PDE9A: variants seen among roughly 807,000 people sequenced by gnomAD.
The protein encoded by PDE9A is high affinity cGMP-specific 3',5'-cyclic phosphodiesterase 9A.
PDE9A carries 60 observed loss-of-function variants against 87.4 expected under a neutral mutation model. The observed-to-expected ratio is 0.69, with a 90% CI of 0.56 to 0.85. The LOEUF (loss-of-function observed/expected upper bound fraction) is 0.85. Among genes scored for constraint, PDE9A ranks in the 40% least tolerant of loss-of-function variants. The pLI, the probability that PDE9A is intolerant of heterozygous loss-of-function variation, is 0.00. For missense variants in PDE9A, 665 were observed against 779.0 expected, an observed-to-expected ratio of 0.85 and a Z score of 1.74; for synonymous variants, 272 against 279.4, an observed-to-expected ratio of 0.97 and a Z score of 0.27.
intron 1 of PDE9A, among the ~76,000 whole-genome samples, chr21:42,673,353 C>T (rs73905732): frequency 0.012 from 1,857 of 152,250 alleles, 36 homozygotes; most frequent in African/African-American, 0.043. Flanking sequence ...CCAGCCAAGC[C>T]CAGGCCTGCC....
intron 8 of PDE9A, among the ~76,000 whole-genome samples, chr21:42,744,168 C>T (rs2053602252): frequency 1.3e-5 from 2 of 152,210 alleles, no homozygotes; most frequent in African/African-American, 4.8e-5. Context: ...GCTTGGCCAA[C>T]ATGGTGAAAC....
intron 1 of PDE9A, among the ~76,000 whole-genome samples, chr21:42,662,769 GACACACACCACACACACACACCAAGCAC>G (rs1320793966): frequency 2.3e-4 from 19 of 82,430 alleles, no homozygotes; most frequent in African/African-American, 7.4e-4. Flanking sequence ...CACACACAAG[GACACACACCACACACACACACCAAGCAC>G]ACACACACCA....
At chr21:42,669,075 A>G (rs1268552561) in intron 1 of PDE9A, among the ~76,000 whole-genome samples, 1 of 152,116 alleles carries the variant, frequency 6.6e-6, no homozygotes, top group Non-Finnish European at 1.5e-5. Flanking sequence ...TGCTTGCGAA[A>G]AAGATTCCAC....
chr21:42,709,141 T>C (rs1008051775), intron 4 of PDE9A, among the ~76,000 whole-genome samples: 23 of 152,228 alleles, frequency 1.5e-4, no homozygotes, highest in Non-Finnish European at 2.6e-4. Flanking sequence ...AACAAGATCA[T>C]GTCCTTTGCA....
chr21:42,757,384 C>CA (rs1369419564), intron 10 of PDE9A: 4 of 152,264 alleles, frequency 2.6e-5, no homozygotes, highest in African/African-American at 9.6e-5. Flanking sequence ...CTCATCAATG[C>CA]AGTGATCGCA....
At chr21:42,667,958 G>A (rs8129376) in intron 1 of PDE9A, among the ~76,000 whole-genome samples, 3,034 of 146,084 alleles carry the variant, frequency 0.021, 94 homozygotes, top group African/African-American at 0.076. Flanking sequence ...GATGGAATGG[G>A]CGATGCCGGC....
In PDE9A at chr21:42,765,745, G is replaced by T. The variant is rs191080910; in HGVS notation, c.1356+251G>T. ...CTCCATCTCTTTTGGATTTGAAGGAGATAAGTGGGTGAAGGCCGTGCATCT... is the reference window on the plus strand; with the variant it reads ...CTCCATCTCTTTTGGATTTGAAGGATATAAGTGGGTGAAGGCCGTGCATCT... On this transcript the variant is annotated intron_variant, in intron 15 of 19. Transcript: ENST00000291539. The T allele has an allele frequency of 7.4e-5, 35 of 474,914 alleles. No homozygotes were observed. The East Asian group carries it at 1.1e-3, about 15-fold the overall frequency. The allele number at this position is 474,914 out of a possible 1,614,324, so 29.4% of individuals were successfully genotyped here.
Position 42,722,204 on chromosome 21 carries a change from C to T in PDE9A, c.263-9566C>T, listed in dbSNP as rs1231942681. ...TGTTGGCCAGGATGGTCTTGAACTTCTGACCTCATGATCCGCCCACCTCAG... is the reference window on the plus strand; with the variant it reads ...TGTTGGCCAGGATGGTCTTGAACTTTTGACCTCATGATCCGCCCACCTCAG... On this transcript the variant is annotated intron_variant, in intron 4 of 19. Coordinates refer to ENST00000291539, the MANE Select transcript of PDE9A (RefSeq NM_002606.3). This position sits in a 1 kb window ranked among gnomAD's most constrained non-coding sequence, Gnocchi z 4.1. Among the ~76,000 whole-genome samples the T allele has an allele frequency of 6.6e-6, 1 of 152,122 alleles. No homozygotes were observed. The highest frequency in any genetic ancestry group is 1.5e-5 in the Non-Finnish European group (1 of 68,014).
chr21:42,763,907 T>C (rs2056085616), intron 14 of PDE9A, among the ~76,000 whole-genome samples: 1 of 152,132 alleles, frequency 6.6e-6, no homozygotes, highest in Non-Finnish European at 1.5e-5. Flanking sequence ...AGTGAAGCAT[T>C]TGGGGAAGCT....
At chr21:42,725,981 G>A (rs1299786626) in intron 4 of PDE9A, among the ~76,000 whole-genome samples, 3 of 152,162 alleles carry the variant, frequency 2.0e-5, no homozygotes, top group East Asian at 3.9e-4. Flanking sequence ...TTTCCACGGG[G>A]GTTGGCATTA....
intron 7 of PDE9A, among the ~76,000 whole-genome samples, chr21:42,740,024 C>A (rs2052944540): frequency 6.6e-6 from 1 of 152,046 alleles, no homozygotes; most frequent in African/African-American, 2.4e-5. Context: ...CAAATTTTAT[C>A]TTTTAAAATT....
At chr21:42,772,636 AC>A in intron 19 of PDE9A, 116 bp downstream of exon 19, 2 of 738,114 alleles carry the variant, frequency 2.7e-6, no homozygotes, top group African/African-American at 1.8e-5. Context: ...AATGAATGGA[AC>A]TTTTTTTTTT....
chr21:42,716,041 CTT>C (rs932908170), intron 4 of PDE9A, among the ~76,000 whole-genome samples: 36 of 151,938 alleles, frequency 2.4e-4, no homozygotes, highest in African/African-American at 8.7e-4. Context: ...ACTAATATGT[CTT>C]TAAGATTCTT....
intron 1 of PDE9A, among the ~76,000 whole-genome samples, chr21:42,673,920 G>A (rs1469956094): frequency 1.3e-5 from 2 of 152,266 alleles, no homozygotes; most frequent in East Asian, 1.9e-4. Context: ...CACAGACACT[G>A]AGTGGACCTG....
Position 42,739,845 on chromosome 21 carries a change from A to C in PDE9A, c.569-3931A>C, listed in dbSNP as rs1445187381. On this transcript the variant is annotated intron_variant, in intron 7 of 19. Transcript: ENST00000291539. This position sits in a 1 kb window ranked among gnomAD's most constrained non-coding sequence, Gnocchi z 4.1. ...GTTGCAAACTCATTTAGCAGCAAAAATGTGATCTGAACTGACATGAAGCCC... is the reference window on the plus strand; with the variant it reads ...GTTGCAAACTCATTTAGCAGCAAAACTGTGATCTGAACTGACATGAAGCCC... Among the ~76,000 whole-genome samples, 1 of 152,170 alleles carries C rather than the reference A, an allele frequency of 6.6e-6. No individual in the cohort carries two copies. The highest frequency in any genetic ancestry group is 2.4e-5 in the African/African-American group (1 of 41,434).
chr21:42,692,225 TCCC>T lies in PDE9A; in HGVS notation c.218+4234_218+4236del, dbSNP rs981155065. On this transcript the variant is annotated intron_variant, in intron 3 of 19. Coordinates refer to ENST00000291539, the MANE Select transcript of PDE9A (RefSeq NM_002606.3). The surrounding 1 kb of genome is among the most constrained non-coding windows in gnomAD (Gnocchi z 4.3). ...TGAACCAGTCCAGCTCGTGCGTGCC[TCCC>T]CCTCTGCACTGCCCAGAGCAGTTTT... is the stretch of plus-strand genomic sequence containing the variant. Among the ~76,000 whole-genome samples the T allele has an allele frequency of 3.4e-4, 52 of 152,194 alleles. No individual in the cohort carries two copies. The highest frequency in any genetic ancestry group is 1.2e-3 in the African/African-American group (51 of 41,512).
chr21:42,717,856 C>G (rs941841386), intron 4 of PDE9A, among the ~76,000 whole-genome samples: 1 of 151,682 alleles, frequency 6.6e-6, no homozygotes, highest in Non-Finnish European at 1.5e-5. Context: ...GATCATTATT[C>G]CTCTGTATGA....
chr21:42,695,096 G>A lies in PDE9A; in HGVS notation c.219-3872G>A, dbSNP rs931117615. On this transcript the variant is annotated intron_variant, in intron 3 of 19. Transcript: ENST00000291539. The surrounding 1 kb of genome is among the most constrained non-coding windows in gnomAD (Gnocchi z 4.3). The stretch of plus-strand genomic sequence containing the variant: ...GTGCAATCTGGAGCACGCTCAAGCC[G>A]GCATTTGAAATAACCTGGAACACGT... Among the ~76,000 whole-genome samples the A allele has an allele frequency of 2.2e-4, 33 of 152,248 alleles. No homozygotes were observed. The highest frequency in any genetic ancestry group is 7.0e-4 in the African/African-American group (29 of 41,530).
At chr21:42,688,776 GA>G (rs1325452446) in intron 3 of PDE9A, among the ~76,000 whole-genome samples, 2 of 152,340 alleles carry the variant, frequency 1.3e-5, no homozygotes, top group East Asian at 3.9e-4. Flanking sequence ...CAGTAGATGC[GA>G]TGGTACACTT....
Sources: allele counts gnomAD v4.1 joint callset (sites outside exome capture counted in the v4.1 genomes callset), GRCh38; gene constraint gnomAD v4.1.1; non-coding constraint Gnocchi (gnomAD v3.1); transcripts MANE v1.5; gene names NCBI Gene and HGNC (gene_info 2026-07-23, HGNC 2026-07-21).